Variants in CTR9 observed in about 807,000 individuals in gnomAD.
CTR9 encodes RNA polymerase-associated protein CTR9 homolog.
Under a neutral mutation model 152.1 loss-of-function variants are expected in CTR9, and 41 were observed. That is an observed-to-expected ratio of 0.27 (90% confidence interval 0.21 to 0.35). The LOEUF (loss-of-function observed/expected upper bound fraction) is 0.35, where lower values mean the gene tolerates loss of function less well. CTR9 is among the 10% of genes least tolerant of loss of function. CTR9 has a pLI of 1.00. For missense variants in CTR9, 917 were observed against 1,424.4 expected, an observed-to-expected ratio of 0.64 and a Z score of 5.73; for synonymous variants, 476 against 496.2, an observed-to-expected ratio of 0.96 and a Z score of 0.54.
chr11:10,763,121 T>C (rs532172017), intron 7 of CTR9, among the ~76,000 whole-genome samples: 5 of 150,346 alleles, frequency 3.3e-5, no homozygotes, highest in South Asian at 4.3e-4. Context: ...GAAGAGTTAA[T>C]AGTCTAAAGT....
chr11:10,754,999 A>G lies in CTR9; in HGVS notation c.186A>G (p.Lys62=). The G allele has an allele frequency of 6.2e-7, 1 of 1,614,004 alleles. No homozygotes were observed. The highest frequency in any genetic ancestry group is 1.1e-5 in the South Asian group (1 of 91,038). ...YKQGKTEEFV[K]LLEAARIDGN... ...AAGGAAAAACAGAAGAGTTTGTAAA[A>G]TTGTTGGAAGCAGCACGTATAGATG... is the stretch of plus-strand genomic sequence containing the variant. Residue 62 remains lysine, a synonymous_variant, in exon 3 of 25, where the codon AAA becomes AAG. Coordinates refer to ENST00000361367, the MANE Select transcript of CTR9 (RefSeq NM_014633.5).
chr11:10,752,906 A>G, intron 2 of CTR9, 136 bp downstream of exon 2: 1 of 676,938 alleles, frequency 1.5e-6, no homozygotes, highest in Non-Finnish European at 2.5e-6. Flanking sequence ...AATTGTGTTA[A>G]TAATTTATGG....
At position 10,755,129 on chromosome 11, in the gene CTR9, A is replaced by G; in HGVS notation, c.316A>G (p.Lys106Glu). 1 of 1,614,026 alleles carries G rather than the reference A, an allele frequency of 6.2e-7. No individual in the cohort carries two copies. The highest frequency in any genetic ancestry group is 8.5e-7 in the Non-Finnish European group (1 of 1,179,912). Residue 106 changes from lysine to glutamate, a missense_variant, in exon 3 of 25, where the codon AAA (lysine) becomes GAA (glutamate). Physicochemically the swap from Lys to Glu is moderately conservative, Grantham distance 56. This residue lies in a region of CTR9 where 67 missense variants were observed against 106.9 expected (regional missense o/e 0.63). Coordinates refer to ENST00000361367, the MANE Select transcript of CTR9 (RefSeq NM_014633.5). ...TCGGAAAGAAAAGAATAAGGACAATAAAAAGGATCTTATTACACAGGCCAC... is the reference window on the plus strand; with the variant it reads ...TCGGAAAGAAAAGAATAAGGACAATGAAAAGGATCTTATTACACAGGCCAC... The part of the protein sequence containing the change: ...QARKEKNKDN[K>E]KDLITQATLL...
Position 10,764,203 on chromosome 11 carries a change from T to C in CTR9, c.1284+2T>C. 6.2e-7 allele frequency: 1 copy of C among 1,613,876 alleles called. No homozygotes were observed. Among genetic ancestry groups the C allele is most frequent in the Non-Finnish European group, 8.5e-7 (1 of 1,179,738 alleles). On this transcript the variant is annotated splice_donor_variant, in intron 10 of 24. Coordinates refer to ENST00000361367, the MANE Select transcript of CTR9 (RefSeq NM_014633.5). LOFTEE classifies it high-confidence loss of function. Reference sequence around the variant, plus strand: ...ATCTTAGAACAGACTGATATACAGGTATTTTAGTAATGTTTTTTAATCTCT... The same window carrying C: ...ATCTTAGAACAGACTGATATACAGGCATTTTAGTAATGTTTTTTAATCTCT...
At chr11:10,758,660 A>G (rs1862925483) in intron 5 of CTR9, among the ~76,000 whole-genome samples, 1 of 152,228 alleles carries the variant, frequency 6.6e-6, no homozygotes, top group South Asian at 2.1e-4. Flanking sequence ...GAGCCTTGAG[A>G]AGAATGTGGC....
chr11:10,762,018 A>G lies in CTR9; in HGVS notation c.813A>G (p.Val271=), dbSNP rs755592846. Residue 271 remains valine (V), a synonymous_variant, in exon 7 of 25, where the codon GTA becomes GTG. Transcript: ENST00000361367. ...CTATTGATCCTAGCAACCCTATGGT[A>G]TTGAACCATTTGGCAAATCACTTTT... ...AYTIDPSNPM[V]LNHLANHFFF... is the part of the protein sequence containing the mutation. 3 of 1,604,286 alleles carry G rather than the reference A, an allele frequency of 1.9e-6. No individual in the cohort carries two copies. Among genetic ancestry groups the G allele is most frequent in the South Asian group, 2.3e-5 (2 of 88,416 alleles).
intron 24 of CTR9, among the ~76,000 whole-genome samples, chr11:10,778,341 A>G (rs181727963): frequency 1.1e-4 from 16 of 152,348 alleles, no homozygotes; most frequent in African/African-American, 3.6e-4. Flanking sequence ...AGAGATAAAC[A>G]AATGTATCCC....
At chr11:10,755,309 G>A in intron 3 of CTR9, 112 bp downstream of exon 3, 5 of 1,253,842 alleles carry the variant, frequency 4.0e-6, no homozygotes, top group Non-Finnish European at 5.5e-6. Context: ...TAACATGGTT[G>A]ATAGAGTCAA....
chr11:10,778,426 C>T lies in CTR9; in HGVS notation c.3096-253C>T, dbSNP rs187217009. On this transcript the variant is annotated intron_variant, in intron 24 of 24. Transcript: ENST00000361367. ...GAAAAGTGTCCAGTGAGTCACCATC[C>T]CTGTTTATATTTTGACTTATAGCTA... 2.0e-5 allele frequency among the ~76,000 whole-genome samples: 3 copies of T among 152,174 alleles called. No homozygotes were observed. The East Asian group carries it at 5.8e-4, about 29-fold the overall frequency.
chr11:10,772,525 G>A lies in CTR9; in HGVS notation c.2450G>A (p.Cys817Tyr). The A allele has an allele frequency of 6.5e-7, 1 of 1,546,324 alleles. No homozygotes were observed. The highest frequency in any genetic ancestry group is 8.7e-7 in the Non-Finnish European group (1 of 1,148,176). ...LALAATEARQ[C>Y]SDLLSQAQYH... ...CTAAACCTGAAATGTTCTAGGCAGT[G>A]TTCTGACTTACTGAGCCAGGCCCAG... is the stretch of plus-strand genomic sequence containing the variant. The change falls in exon 20 of 25, where the codon TGT (cysteine) becomes TAT (tyrosine). Residue 817 changes from cysteine to tyrosine, a missense_variant. Cys to Tyr is a radical substitution (Grantham distance 194). Transcript: ENST00000361367.
chr11:10,769,838 A>G (rs1863115063), intron 16 of CTR9, among the ~76,000 whole-genome samples: 1 of 152,202 alleles, frequency 6.6e-6, no homozygotes, highest in Non-Finnish European at 1.5e-5. Flanking sequence ...AAAGGTGTAG[A>G]TGGTAAAACG....
intron 5 of CTR9, among the ~76,000 whole-genome samples, chr11:10,758,566 G>A (rs1416170588): frequency 6.6e-6 from 1 of 152,208 alleles, no homozygotes; most frequent in Non-Finnish European, 1.5e-5. Flanking sequence ...ACTAGTTTTA[G>A]ACCTGAAAAG....
intron 21 of CTR9, 104 bp downstream of exon 21, chr11:10,773,377 C>A (rs182488746): frequency 1.4e-6 from 2 of 1,387,992 alleles, no homozygotes; most frequent in Admixed American, 4.6e-5. Context: ...CTAGTTTTGA[C>A]TTCCTCTTTT....
At chr11:10,769,223 G>A (rs1863105083) in intron 16 of CTR9, among the ~76,000 whole-genome samples, 2 of 151,356 alleles carry the variant, frequency 1.3e-5, no homozygotes, top group South Asian at 4.2e-4. Flanking sequence ...CTCTGTCTCG[G>A]GAAAAAAAAG....
At chr11:10,769,874 C>T (rs1863115617) in intron 16 of CTR9, among the ~76,000 whole-genome samples, 1 of 152,178 alleles carries the variant, frequency 6.6e-6, no homozygotes, top group East Asian at 1.9e-4. Context: ...TATGACTTCT[C>T]ATCAGTGGTC....
At chr11:10,775,091 GAGGAC>G (rs1590028105) in intron 22 of CTR9, 111 bp from the exon 23 acceptor site, 2 of 770,558 alleles carry the variant, frequency 2.6e-6, no homozygotes, top group East Asian at 5.3e-5. Flanking sequence ...CAGTATGATT[GAGGAC>G]AGCACCCATA....
At chr11:10,752,612 A>G (rs1862822982) in intron 1 of CTR9, 60 bp from the exon 2 acceptor site, 1 of 1,215,532 alleles carries the variant, frequency 8.2e-7, no homozygotes, top group African/African-American at 1.5e-5. Flanking sequence ...GAAAAGCAGC[A>G]AAGATGAAAT....
intron 6 of CTR9, among the ~76,000 whole-genome samples, 179 bp downstream of exon 6, chr11:10,760,500 T>C (rs575556383): frequency 2.0e-5 from 3 of 152,158 alleles, no homozygotes; most frequent in South Asian, 2.1e-4. Context: ...AGCAAACTTA[T>C]ATTTCTGTGG....
Position 10,767,695 on chromosome 11 carries a change from C to T in CTR9, c.1687-111C>T. ...GAAAGAAAGAAAAGAAAGAAAACCA[C>T]TGTTGTAATATAGTTTGTAAACCTC... On this transcript the variant is annotated intron_variant, in intron 13 of 24. Coordinates refer to ENST00000361367, the MANE Select transcript of CTR9 (RefSeq NM_014633.5). The surrounding 1 kb of genome is among the most constrained non-coding windows in gnomAD (Gnocchi z 4.0). 1 of 877,614 alleles carries T rather than the reference C, an allele frequency of 1.1e-6. No homozygotes were observed. The highest frequency in any genetic ancestry group is 1.7e-6 in the Non-Finnish European group (1 of 577,068). The allele number at this position is 877,614 out of a possible 1,614,324, so 54.4% of individuals were successfully genotyped here.
Sources: gnomAD v4.1 joint callset for allele counts (sites outside exome capture counted in the v4.1 genomes callset) on GRCh38, gnomAD v4.1.1 for gene constraint, gnomAD v4.1.1 regional missense constraint, Gnocchi (gnomAD v3.1) non-coding constraint, MANE v1.5 for transcripts, NCBI Gene and HGNC (gene_info 2026-07-23, HGNC 2026-07-21) for gene names.